PCDH10: variants seen among roughly 807,000 people sequenced by gnomAD.
The protein encoded by PCDH10 is protocadherin-10.
A neutral mutation model predicts 74.4 loss-of-function variants in PCDH10; 15 were observed. The observed-to-expected ratio is 0.20, with a 90% CI of 0.13 to 0.31. PCDH10 has a LOEUF of 0.31. Ranked by LOEUF, PCDH10 falls within the 10% of genes least tolerant of loss-of-function variation. The pLI, the probability that PCDH10 is intolerant of heterozygous loss-of-function variation, is 1.00. For missense variants in PCDH10, 1,260 were observed against 1,390.2 expected (o/e 0.91, Z 1.49); for synonymous variants, 619 against 589.8 (o/e 1.05, Z -0.72).
At chr4:133,175,234 A>G (rs1250950429) in intron 4 of PCDH10, among the ~76,000 whole-genome samples, 1 of 152,064 alleles carries the variant, frequency 6.6e-6, no homozygotes, top group Non-Finnish European at 1.5e-5. Context: ...TCAAAGGGAC[A>G]TCAATTGGCC....
rs1560716822 is a variant in PCDH10 at position 133,192,820 on chromosome 4, G to A, written c.*2660G>A. 6.6e-6 allele frequency: 1 copy of A among 151,410 alleles called. No individual in the cohort carries two copies. The highest frequency in any genetic ancestry group is 1.5e-5 in the Non-Finnish European group (1 of 67,572). 9.4% of individuals were successfully genotyped at this position (151,410 alleles called of 1,614,324 possible). A position where few individuals can be genotyped will look rare whatever the true frequency, so the allele number is the denominator to read the frequency against. ...GGTTAAAATGTTTTCTTCCAATGAGGGGGACTATAAAATGGAAAGTGCAAC... is the reference window on the plus strand; with the variant it reads ...GGTTAAAATGTTTTCTTCCAATGAGAGGGACTATAAAATGGAAAGTGCAAC... On this transcript the variant is annotated 3_prime_UTR_variant, in exon 5 of 5. Coordinates refer to ENST00000264360, the MANE Select transcript of PCDH10 (RefSeq NM_032961.3).
chr4:133,174,400 A>T (rs1727253234), intron 4 of PCDH10, among the ~76,000 whole-genome samples: 1 of 151,870 alleles, frequency 6.6e-6, no homozygotes, highest in Admixed American at 6.6e-5. Flanking sequence ...AAGAGAAAAT[A>T]ATCAAATGGA....
At chr4:133,166,073 G>C (rs1256860387) in intron 4 of PCDH10, among the ~76,000 whole-genome samples, 1 of 151,510 alleles carries the variant, frequency 6.6e-6, no homozygotes, top group Non-Finnish European at 1.5e-5. Context: ...TTCAATACTT[G>C]CTGAGTTATT....
intron 4 of PCDH10, among the ~76,000 whole-genome samples, chr4:133,178,915 A>AG (rs1229114532): frequency 1.3e-5 from 2 of 152,120 alleles, no homozygotes; most frequent in Non-Finnish European, 2.9e-5. Flanking sequence ...TATGGAAAAA[A>AG]GTTCCTGTAC....
intron 4 of PCDH10, among the ~76,000 whole-genome samples, chr4:133,168,151 T>C (rs1231047688): frequency 6.6e-6 from 1 of 151,460 alleles, no homozygotes; most frequent in African/African-American, 2.4e-5. Flanking sequence ...TGAGATATTA[T>C]AATATTTTTT....
chr4:133,201,335 G>A (rs1372753178), intron 2 of PCDH10, among the ~76,000 whole-genome samples: 1 of 152,084 alleles, frequency 6.6e-6, no homozygotes, highest in Non-Finnish European at 1.5e-5. Context: ...TAGGATTATG[G>A]GGATGGAGAC....
At chr4:133,195,274 G>A (rs747107748), downstream of PCDH10, among the ~76,000 whole-genome samples, 1 of 152,024 alleles carries the variant, frequency 6.6e-6, no homozygotes, top group Non-Finnish European at 1.5e-5. Context: ...CAAACTGCAC[G>A]TATCTGGACC....
intron 4 of PCDH10, among the ~76,000 whole-genome samples, chr4:133,174,682 CA>C (rs1727258845): frequency 6.6e-6 from 1 of 151,068 alleles, no homozygotes; most frequent in South Asian, 2.1e-4. Flanking sequence ...TGGTATTAGA[CA>C]ATTTAGAAAT....
At position 133,152,202 on chromosome 4, in the gene PCDH10, G is replaced by A; in HGVS notation, c.2062G>A (p.Gly688Arg). 2.5e-6 allele frequency: 4 copies of A among 1,582,416 alleles called. No homozygotes were observed. Among genetic ancestry groups the A allele is most frequent in the Non-Finnish European group, 3.4e-6 (4 of 1,164,380 alleles). Residue 688 changes from glycine to arginine, a missense_variant, in exon 1 of 5, where the codon GGG (glycine) becomes AGG (arginine). Gly to Arg is a moderately radical substitution (Grantham distance 125, BLOSUM62 -2). Coordinates refer to ENST00000264360, the MANE Select transcript of PCDH10 (RefSeq NM_032961.3). ...LVDGAVEPQG[G>R]GGSGGGGSGE... Reference sequence around the variant, plus strand: ...GGATGGCGCCGTGGAGCCCCAGGGCGGGGGCGGGAGCGGAGGCGGAGGGTC... The same window carrying A: ...GGATGGCGCCGTGGAGCCCCAGGGCAGGGGCGGGAGCGGAGGCGGAGGGTC...
intron 4 of PCDH10, chr4:133,164,149 G>A (rs546337385): frequency 5.9e-5 from 21 of 355,690 alleles, no homozygotes; most frequent in South Asian, 3.6e-4. Context: ...TAGCACTTCA[G>A]AACCAAAAAA....
intron 4 of PCDH10, among the ~76,000 whole-genome samples, chr4:133,172,306 A>G (rs923456312): frequency 6.6e-6 from 1 of 151,996 alleles, no homozygotes; most frequent in Admixed American, 6.6e-5. Flanking sequence ...TTTTACTATC[A>G]TTGGTTATCT....
At chr4:133,159,804 T>G (rs1485060457) in intron 3 of PCDH10, among the ~76,000 whole-genome samples, 4 of 151,992 alleles carry the variant, frequency 2.6e-5, no homozygotes, top group African/African-American at 7.2e-5. Context: ...GAGCTGCCAA[T>G]TTGAGCTATT....
chr4:133,156,580 T>C (rs965307209), intron 3 of PCDH10, among the ~76,000 whole-genome samples: 2 of 152,258 alleles, frequency 1.3e-5, no homozygotes, highest in African/African-American at 4.8e-5. Flanking sequence ...GCATTGCTCA[T>C]TCCTGTTCTT....
chr4:133,159,703 G>T (rs1726927521), intron 3 of PCDH10, among the ~76,000 whole-genome samples: 1 of 151,772 alleles, frequency 6.6e-6, no homozygotes, highest in Non-Finnish European at 1.5e-5. Context: ...TTGAGTTTTG[G>T]TCTGTAATTT....
At chr4:133,164,337 C>T (rs1023943553) in intron 4 of PCDH10, among the ~76,000 whole-genome samples, 1 of 151,934 alleles carries the variant, frequency 6.6e-6, no homozygotes, top group African/African-American at 2.4e-5. Flanking sequence ...AAGTGAGGAA[C>T]ATGATGCGAT....
intron 4 of PCDH10, among the ~76,000 whole-genome samples, chr4:133,176,484 C>T (rs1727299447): frequency 6.6e-6 from 1 of 152,136 alleles, no homozygotes; most frequent in Admixed American, 6.6e-5. Flanking sequence ...GGAACAATGA[C>T]ATCAGCCTGA....
chr4:133,162,891 C>T, intron 3 of PCDH10, 86 bp from the exon 4 acceptor site: 1 of 1,153,622 alleles, frequency 8.7e-7, no homozygotes, highest in Non-Finnish European at 1.2e-6. Flanking sequence ...ACTTGTCACC[C>T]TTTATGCTAC....
chr4:133,200,133 A>G (rs1324595858), intron 2 of PCDH10, among the ~76,000 whole-genome samples: 2 of 151,844 alleles, frequency 1.3e-5, no homozygotes, highest in Non-Finnish European at 2.9e-5. Context: ...GGTACTATTC[A>G]TGCTGTATTC....
At position 133,193,961 on chromosome 4, in the gene PCDH10, T is replaced by C. The variant is rs1727737485; in HGVS notation, c.*3801T>C. ...GTAGTAAAATTATTTTATATATTGT[T>C]AGTACTTCAACAAACATCCCTCTGC... On this transcript the variant is annotated 3_prime_UTR_variant, in exon 5 of 5. Transcript: ENST00000264360. 1 of 151,726 alleles carries C rather than the reference T, an allele frequency of 6.6e-6. No individual in the cohort carries two copies. The highest frequency in any genetic ancestry group is 2.1e-4 in the South Asian group (1 of 4,830). The allele number at this position is 151,726 out of a possible 1,614,324, so 9.4% of individuals were successfully genotyped here. A position where few individuals can be genotyped will look rare whatever the true frequency, so the allele number is the denominator to read the frequency against.
Sources: allele counts gnomAD v4.1 joint callset (sites outside exome capture counted in the v4.1 genomes callset), GRCh38; gene constraint gnomAD v4.1.1; transcripts MANE v1.5; gene names NCBI Gene and HGNC (gene_info 2026-07-23, HGNC 2026-07-21).